The following OLAH variants were observed in gnomAD, a reference collection of about 807,000 sequenced individuals.
OLAH encodes S-acyl fatty acid synthase thioesterase, medium chain.
OLAH carries 33 observed loss-of-function variants against 27.8 expected under a neutral mutation model. That is an observed-to-expected ratio of 1.19 (90% confidence interval 0.90 to 1.59). The LOEUF (loss-of-function observed/expected upper bound fraction) is 1.59. Ranked by LOEUF, OLAH falls within the 40% of genes most tolerant of loss-of-function variation. The pLI, the probability that OLAH is intolerant of heterozygous loss-of-function variation, is 0.00. For synonymous variants in OLAH, 120 were observed against 102.9 expected (o/e 1.17, Z -1.01); for missense variants, 359 against 310.8 (o/e 1.16, Z -1.17).
chr10:15,064,798 C>T (rs939122306), intron 5 of OLAH, among the ~76,000 whole-genome samples: 1 of 152,190 alleles, frequency 6.6e-6, no homozygotes, highest in Non-Finnish European at 1.5e-5. Flanking sequence ...GCTGGGACTA[C>T]AGGCGAGCAC....
At chr10:15,065,530 G>C in intron 5 of OLAH, 54 bp from the exon 6 acceptor site, 1 of 1,535,498 alleles carries the variant, frequency 6.5e-7, no homozygotes, top group Non-Finnish European at 8.8e-7. Context: ...TTCAGTTTAT[G>C]AGCCAAGTGT....
At chr10:15,067,353 T>G (rs1306179799) in intron 6 of OLAH, among the ~76,000 whole-genome samples, 1 of 151,042 alleles carries the variant, frequency 6.6e-6, no homozygotes, top group Non-Finnish European at 1.5e-5. Context: ...TCTTTAACGG[T>G]CTGTGTCTCA....
chr10:15,038,268 C>T (rs959075521), intron 1 of OLAH, among the ~76,000 whole-genome samples: 25 of 152,186 alleles, frequency 1.6e-4, no homozygotes, highest in African/African-American at 5.6e-4. Context: ...AAGGGACTCA[C>T]CTTGTCTCAG....
At chr10:15,068,757 G>A (rs191611690) in intron 6 of OLAH, among the ~76,000 whole-genome samples, 1 of 152,276 alleles carries the variant, frequency 6.6e-6, no homozygotes, top group African/African-American at 2.4e-5. Context: ...TGAAGGTAAT[G>A]TTTTACACCT....
intron 3 of OLAH, among the ~76,000 whole-genome samples, chr10:15,053,587 C>T (rs770865180): frequency 6.7e-4 from 102 of 152,300 alleles, no homozygotes; most frequent in Non-Finnish European, 1.2e-3. Context: ...GATGCAACCC[C>T]CCGAAGCATG....
intron 3 of OLAH, among the ~76,000 whole-genome samples, chr10:15,052,729 CTTTT>C (rs1366770171): frequency 1.5e-5 from 2 of 130,856 alleles, no homozygotes; most frequent in Non-Finnish European, 1.6e-5. Flanking sequence ...GAGGGCTTTT[CTTTT>C]TTTTTTTTTT....
intron 1 of OLAH, among the ~76,000 whole-genome samples, chr10:15,035,507 G>A (rs184742809): frequency 5.1e-4 from 77 of 152,228 alleles, no homozygotes; most frequent in Middle Eastern, 3.4e-3. Context: ...GGATGGGGAA[G>A]TGCCATAGCT....
At chr10:15,072,996 C>A in intron 7 of OLAH, 91 bp from the exon 8 acceptor site, 1 of 1,221,774 alleles carries the variant, frequency 8.2e-7, no homozygotes, top group Non-Finnish European at 1.2e-6. Context: ...AACCGTACTT[C>A]AGGGTGTCAG....
chr10:15,055,139 A>AT (rs1025918637), intron 3 of OLAH, among the ~76,000 whole-genome samples: 9 of 151,922 alleles, frequency 5.9e-5, no homozygotes, highest in African/African-American at 2.2e-4. Flanking sequence ...TAATTTTTAT[A>AT]TTTTTTAGTA....
At chr10:15,056,006 T>C (rs1844238509) in intron 3 of OLAH, among the ~76,000 whole-genome samples, 1 of 152,022 alleles carries the variant, frequency 6.6e-6, no homozygotes, top group African/African-American at 2.4e-5. Flanking sequence ...TGTACCACTA[T>C]GCCCAGCTAA....
At chr10:15,040,849 G>A (rs1843908633), upstream of OLAH, among the ~76,000 whole-genome samples, 2 of 152,154 alleles carry the variant, frequency 1.3e-5, no homozygotes, top group Non-Finnish European at 2.9e-5. Flanking sequence ...TTCTACTCTA[G>A]GACTTTGCTC....
chr10:15,056,749 GC>G, intron 3 of OLAH: 1 of 1,271,626 alleles, frequency 7.9e-7, no homozygotes, highest in East Asian at 3.1e-5. Context: ...TCCCACCTCA[GC>G]CTCCTGAGTA....
At chr10:15,067,296 C>T (rs1168624520) in intron 6 of OLAH, among the ~76,000 whole-genome samples, 1 of 152,140 alleles carries the variant, frequency 6.6e-6, no homozygotes, top group East Asian at 1.9e-4. Context: ...GTCCGCTTAG[C>T]AGACTGAAAC....
rs1844097586 is a variant in OLAH, at chr10:15,049,766, GT to G, written c.163+2del. On this transcript the variant is annotated splice_donor_variant, in intron 3 of 7. Transcript: ENST00000378228. LOFTEE classifies it high-confidence loss of function. Reference sequence around the variant, plus strand: ...CAAGATACTCATGATTTGCTGGAAGGTATGTTAATTTTTAACATCATTTAAG... The same window carrying G: ...CAAGATACTCATGATTTGCTGGAAGGATGTTAATTTTTAACATCATTTAAG... 1.2e-6 allele frequency: 2 copies of G among 1,601,140 alleles called. No homozygotes were observed.
chr10:15,053,106 G>A (rs1844178442), intron 3 of OLAH, among the ~76,000 whole-genome samples: 1 of 151,988 alleles, frequency 6.6e-6, no homozygotes, highest in Non-Finnish European at 1.5e-5. Context: ...GCATATGATA[G>A]GCTCTTTTAA....
Position 15,047,197 on chromosome 10 carries a change from G to A in OLAH, c.-92G>A, listed in dbSNP as rs183702944. 8.7e-5 allele frequency: 116 copies of A among 1,327,874 alleles called. No homozygotes were observed. The Admixed American group carries it at 1.2e-3, about 14-fold the overall frequency. The allele number at this position is 1,327,874 out of a possible 1,614,324, so 82.3% of individuals were successfully genotyped here. ...CTCACTCTTCTGTGTGCATAAGGCC[G>A]AGCAGAGGTTCTTCGTCTCAAGAGG... On this transcript the variant is annotated 5_prime_UTR_variant, in exon 2 of 8. Coordinates refer to ENST00000378228, the MANE Select transcript of OLAH (RefSeq NM_001039702.3).
chr10:15,048,455 T>C (rs184292208), intron 2 of OLAH, among the ~76,000 whole-genome samples: 79 of 152,348 alleles, frequency 5.2e-4, no homozygotes, highest in Non-Finnish European at 9.0e-4. Flanking sequence ...TCACCTCTAG[T>C]GATCTGCCTC....
intron 5 of OLAH, 78 bp downstream of exon 5, chr10:15,064,580 A>G (rs1844430415): frequency 2.6e-6 from 2 of 781,484 alleles, no homozygotes; most frequent in Non-Finnish European, 4.1e-6. Context: ...TTATTTCTCT[A>G]TCTGGTGAAT....
rs1378630121 is a variant in OLAH at position 15,065,623 on chromosome 10, T to C, written c.442T>C (p.Ser148Pro). ...TCGCATTCCCAAAGATGATGAATTG[T>C]CAGAAGAACAAATAAGTCATTACCT... Reference protein sequence around the residue: ...WHRIPKDDELSEEQISHYLME... With the variant: ...WHRIPKDDELPEEQISHYLME... Residue 148 changes from serine to proline, a missense_variant, in exon 6 of 8, where the codon TCA (serine) becomes CCA (proline). Physicochemically the swap from Ser to Pro is moderately conservative, Grantham distance 74. Transcript: ENST00000378228. 3 of 1,612,174 alleles carry C rather than the reference T, an allele frequency of 1.9e-6. No individual in the cohort carries two copies. Among genetic ancestry groups the C allele is most frequent in the African/African-American group, 2.7e-5 (2 of 74,808 alleles).
Sources: gnomAD v4.1 joint callset for allele counts (sites outside exome capture counted in the v4.1 genomes callset) on GRCh38, gnomAD v4.1.1 for gene constraint, MANE v1.5 for transcripts, NCBI Gene and HGNC (gene_info 2026-07-23, HGNC 2026-07-21) for gene names.